Variants in ADCYAP1R1 observed in about 807,000 individuals in gnomAD.
The protein encoded by ADCYAP1R1 is pituitary adenylate cyclase-activating polypeptide type I receptor.
In ADCYAP1R1, 44 loss-of-function variants were observed where a neutral mutation model predicts 67.6. The ratio of observed to expected loss-of-function variants is 0.65; its 90% CI spans 0.51 to 0.84. ADCYAP1R1 has a LOEUF of 0.84. Ranked by LOEUF, ADCYAP1R1 falls within the 40% of genes least tolerant of loss-of-function variation. The pLI, the probability that ADCYAP1R1 is intolerant of heterozygous loss-of-function variation, is 0.00. For missense variants in ADCYAP1R1, 477 were observed against 587.9 expected (o/e 0.81, Z 1.95); for synonymous variants, 222 against 219.6 (o/e 1.01, Z -0.10).
chr7:31,092,946 G>T (rs1796027218), intron 13 of ADCYAP1R1, among the ~76,000 whole-genome samples: 1 of 152,112 alleles, frequency 6.6e-6, no homozygotes, highest in Admixed American at 6.5e-5. Context: ...CCATCATATG[G>T]ATGGGCAGGA....
intron 12 of ADCYAP1R1, among the ~76,000 whole-genome samples, chr7:31,090,247 C>T (rs11978620): frequency 0.095 from 14,422 of 152,124 alleles, 1,352 homozygotes; most frequent in African/African-American, 0.24. Flanking sequence ...ATTTTCCCAT[C>T]TTATTCAATT....
rs184062125 is a variant in ADCYAP1R1, at chr7:31,065,917, C to T, written c.157+981C>T. The stretch of plus-strand genomic sequence containing the variant: ...CTGCAGCCCAGTTAAATGGAATGGT[C>T]CCACTGGACGGAGCTGCCCAGCCAG... On this transcript the variant is annotated intron_variant, in intron 3 of 15. Transcript: ENST00000304166. 2.4e-4 allele frequency among the ~76,000 whole-genome samples: 37 copies of T among 152,332 alleles called. No individual in the cohort carries two copies. In the East Asian group the frequency reaches 6.7e-3, roughly 28 times the overall value.
At position 31,090,679 on chromosome 7, in the gene ADCYAP1R1, T is replaced by C. The variant is rs576748923; in HGVS notation, c.955-1965T>C. Among the ~76,000 whole-genome samples, 3 of 152,360 alleles carry C rather than the reference T, an allele frequency of 2.0e-5. 1 individual carries two copies. The highest frequency in any genetic ancestry group is 4.1e-4 in the South Asian group (2 of 4,830). On this transcript the variant is annotated intron_variant, in intron 12 of 15. Transcript: ENST00000304166. ...GTGAGAACACGTGGTATTTGGTTTT[T>C]CTGTTTCTCTGTTAATTCACTTAGG... is the stretch of plus-strand genomic sequence containing the variant.
chr7:31,082,443 A>G (rs1365427646), intron 6 of ADCYAP1R1, among the ~76,000 whole-genome samples: 1 of 152,256 alleles, frequency 6.6e-6, no homozygotes, highest in Non-Finnish European at 1.5e-5. Flanking sequence ...AAGGAAAAAA[A>G]GAAAGAAGGA....
At chr7:31,063,390 C>G in intron 2 of ADCYAP1R1, 75 bp downstream of exon 2, 1 of 1,546,970 alleles carries the variant, frequency 6.5e-7, no homozygotes, top group South Asian at 1.1e-5. Context: ...CATGTTTTTT[C>G]TGTACCCTCA....
chr7:31,078,749 A>T (rs1795389548), intron 4 of ADCYAP1R1, among the ~76,000 whole-genome samples: 1 of 152,138 alleles, frequency 6.6e-6, no homozygotes, highest in Non-Finnish European at 1.5e-5. Flanking sequence ...AGGCAGTTAC[A>T]CGGGCTCAAG....
Position 31,084,006 on chromosome 7 carries a change from T to C in ADCYAP1R1, c.329-135T>C, listed in dbSNP as rs1042862552. On this transcript the variant is annotated intron_variant, in intron 6 of 15. Transcript: ENST00000304166. ...CCTCTGATCAGCAATCACTGATTTC[T>C]GAAACCTTTCCCCATGCTTCCCAGT... 4 of 706,008 alleles carry C rather than the reference T, an allele frequency of 5.7e-6. No homozygotes were observed. The East Asian group carries it at 1.1e-4, about 19-fold the overall frequency. The allele number at this position is 706,008 out of a possible 1,614,324, so 43.7% of individuals were successfully genotyped here. A position where few individuals can be genotyped will look rare whatever the true frequency, so the allele number is the denominator to read the frequency against.
intron 14 of ADCYAP1R1, among the ~76,000 whole-genome samples, chr7:31,104,099 A>G (rs974258898): frequency 2.0e-5 from 3 of 152,178 alleles, no homozygotes; most frequent in Non-Finnish European, 4.4e-5. Flanking sequence ...AACCGGGCCC[A>G]GGTTCTTAGT....
chr7:31,071,865 C>G (rs1794995392), intron 3 of ADCYAP1R1, among the ~76,000 whole-genome samples: 1 of 152,144 alleles, frequency 6.6e-6, no homozygotes, highest in South Asian at 2.1e-4. Flanking sequence ...CCATCTCAAA[C>G]TGAACATACC....
chr7:31,103,247 C>T lies in ADCYAP1R1; in HGVS notation c.1057C>T (p.Arg353Trp), dbSNP rs759578105. The T allele has an allele frequency of 7.4e-6, 12 of 1,613,908 alleles. No individual in the cohort carries two copies. Among genetic ancestry groups the T allele is most frequent in the Admixed American group, 3.3e-5 (2 of 59,996 alleles). Residue 353 changes from arginine (R) to tryptophan (W), a missense_variant, in exon 14 of 16, where the codon CGG becomes TGG. Arg to Trp is a moderately radical substitution (Grantham distance 101). Transcript: ENST00000304166. Reference sequence around the variant, plus strand: ...GCTTTCCTCCGACAGGCGACTGGCCCGGTCCACCCTGCTGCTCATCCCACT... The same window carrying T: ...GCTTTCCTCCGACAGGCGACTGGCCTGGTCCACCCTGCTGCTCATCCCACT... Reference protein sequence around the residue: ...NESSIYLRLARSTLLLIPLFG... With the variant: ...NESSIYLRLAWSTLLLIPLFG...
intron 1 of ADCYAP1R1, among the ~76,000 whole-genome samples, chr7:31,062,368 C>T (rs1385156396): frequency 2.0e-5 from 3 of 152,114 alleles, no homozygotes; most frequent in Non-Finnish European, 2.9e-5. Context: ...CACCTGTCAC[C>T]GTGTTTTCCG....
intron 3 of ADCYAP1R1, among the ~76,000 whole-genome samples, chr7:31,073,635 A>T (rs889319101): frequency 6.6e-6 from 1 of 152,180 alleles, no homozygotes; most frequent in Non-Finnish European, 1.5e-5. Flanking sequence ...AGCAATTTCC[A>T]TTCAAAAGAG....
At chr7:31,099,127 G>T (rs1331828544) in intron 13 of ADCYAP1R1, among the ~76,000 whole-genome samples, 2 of 152,210 alleles carry the variant, frequency 1.3e-5, no homozygotes, top group East Asian at 3.9e-4. Context: ...ACCTCCCTGA[G>T]GAGACAGAAG....
rs750826521 is a variant in ADCYAP1R1 at position 31,063,216 on chromosome 7, C to A, written c.-49C>A. ...TAGCCCAGAGACACATTGGGGCTGA[C>A]CTGCCGCTGCTGTCAGTGGGAGGCC... On this transcript the variant is annotated 5_prime_UTR_variant, in exon 2 of 16. Transcript: ENST00000304166. The A allele has an allele frequency of 6.2e-7, 1 of 1,612,268 alleles. No individual in the cohort carries two copies. The highest frequency in any genetic ancestry group is 2.2e-5 in the East Asian group (1 of 44,870).
At chr7:31,067,566 C>T (rs1584486674) in intron 3 of ADCYAP1R1, among the ~76,000 whole-genome samples, 1 of 152,074 alleles carries the variant, frequency 6.6e-6, no homozygotes, top group Admixed American at 6.5e-5. Flanking sequence ...GATAAGTGAA[C>T]TGAGGCACAA....
At position 31,086,641 on chromosome 7, in the gene ADCYAP1R1, A is replaced by T. The variant is rs1248469400; in HGVS notation, c.823+104A>T. On this transcript the variant is annotated intron_variant, in intron 10 of 15. Coordinates refer to ENST00000304166, the MANE Select transcript of ADCYAP1R1 (RefSeq NM_001118.5). This position sits in a 1 kb window ranked among gnomAD's most constrained non-coding sequence, Gnocchi z 5.0. ...AGGAAGTGTCAGGTGAGGAGGGGCCACTGCCCTGCCCGAGTCTAATGGCCT... is the reference window on the plus strand; with the variant it reads ...AGGAAGTGTCAGGTGAGGAGGGGCCTCTGCCCTGCCCGAGTCTAATGGCCT... 1 of 1,389,362 alleles carries T rather than the reference A, an allele frequency of 7.2e-7. No individual in the cohort carries two copies. Among genetic ancestry groups the T allele is most frequent in the Non-Finnish European group, 1.0e-6 (1 of 1,004,610 alleles). The allele number at this position is 1,389,362 out of a possible 1,614,324, so 86.1% of individuals were successfully genotyped here. A position where few individuals can be genotyped will look rare whatever the true frequency, so the allele number is the denominator to read the frequency against.
intron 4 of ADCYAP1R1, 69 bp downstream of exon 4, chr7:31,078,167 C>T (rs1584505438): frequency 6.7e-6 from 9 of 1,336,918 alleles, no homozygotes; most frequent in Non-Finnish European, 7.2e-6. Flanking sequence ...CCCAGGCAAG[C>T]ACCAAGGACA....
At position 31,106,780 on chromosome 7, in the gene ADCYAP1R1, G is replaced by GGAGGGAA; in HGVS notation, c.*96_*97insGAGGGAA. On this transcript the variant is annotated 3_prime_UTR_variant, in exon 16 of 16. Coordinates refer to ENST00000304166, the MANE Select transcript of ADCYAP1R1 (RefSeq NM_001118.5). Reference sequence around the variant, plus strand: ...GTTTGCGCCTCTTCCCTCCCCTTGGGCAGGCCCTGGGCTGGAAGCTTGGCT... The same window carrying GGAGGGAA: ...GTTTGCGCCTCTTCCCTCCCCTTGGGGAGGGAACAGGCCCTGGGCTGGAAGCTTGGCT... The GGAGGGAA allele has an allele frequency of 7.2e-7, 1 of 1,397,682 alleles. No individual in the cohort carries two copies. Among genetic ancestry groups the GGAGGGAA allele is most frequent in the Non-Finnish European group, 9.5e-7 (1 of 1,053,296 alleles). The allele number at this position is 1,397,682 out of a possible 1,614,324, so 86.6% of individuals were successfully genotyped here.
chr7:31,061,549 CA>C (rs2128615520), intron 1 of ADCYAP1R1, among the ~76,000 whole-genome samples: 1 of 152,306 alleles, frequency 6.6e-6, no homozygotes, highest in Admixed American at 6.5e-5. Context: ...CTCCCTGACC[CA>C]CAGGAGGAGG....
Sources: gnomAD v4.1 joint callset for allele counts (sites outside exome capture counted in the v4.1 genomes callset) on GRCh38, gnomAD v4.1.1 for gene constraint, Gnocchi (gnomAD v3.1) non-coding constraint, MANE v1.5 for transcripts, NCBI Gene and HGNC (gene_info 2026-07-23, HGNC 2026-07-21) for gene names.